The following CALB2 variants were observed in gnomAD, a reference collection of about 807,000 sequenced individuals.
The protein encoded by CALB2 is calbindin 2, also known as calretinin.
In CALB2, 34 loss-of-function variants were observed where a neutral mutation model predicts 45.9. That is an observed-to-expected ratio of 0.74 (90% CI 0.56 to 0.99). CALB2 has a LOEUF of 0.99. Among genes scored for constraint, CALB2 ranks in the 50% least tolerant of loss-of-function variants. The pLI is 0.00. For synonymous variants in CALB2, 142 were observed against 129.6 expected, an observed-to-expected ratio of 1.10 and a Z score of -0.65; for missense variants, 344 against 339.3, an observed-to-expected ratio of 1.01 and a Z score of -0.11.
intron 4 of CALB2, among the ~76,000 whole-genome samples, chr16:71,382,460 C>T (rs375493282): frequency 3.9e-5 from 6 of 152,246 alleles, no homozygotes; most frequent in African/African-American, 1.4e-4. Flanking sequence ...TTACATCCCA[C>T]TTTCGATGGT....
chr16:71,363,506 C>T (rs1477950906), intron 1 of CALB2, among the ~76,000 whole-genome samples: 2 of 152,226 alleles, frequency 1.3e-5, no homozygotes, highest in African/African-American at 2.4e-5. Flanking sequence ...GAAGTCTTCT[C>T]CAAGCCCACA....
intron 8 of CALB2, among the ~76,000 whole-genome samples, 195 bp downstream of exon 8, chr16:71,384,573 CAA>C (rs1312692187): frequency 2.8e-5 from 3 of 109,058 alleles, no homozygotes; most frequent in African/African-American, 9.5e-5. Flanking sequence ...ACCACATACA[CAA>C]CACACGCAGA....
intron 4 of CALB2, among the ~76,000 whole-genome samples, chr16:71,379,315 A>AAAAT (rs1567541017): frequency 6.9e-6 from 1 of 143,920 alleles, no homozygotes; most frequent in Non-Finnish European, 1.5e-5. Flanking sequence ...ATAAATAAAT[A>AAAAT]AAATTAGCAT....
At chr16:71,370,530 A>G (rs117264743) in intron 1 of CALB2, among the ~76,000 whole-genome samples, 5 of 152,160 alleles carry the variant, frequency 3.3e-5, no homozygotes, top group Non-Finnish European at 5.9e-5. Flanking sequence ...AACAAATTGC[A>G]TCAGAAAGTC....
At chr16:71,368,471 G>A (rs2042311799) in intron 1 of CALB2, among the ~76,000 whole-genome samples, 2 of 152,166 alleles carry the variant, frequency 1.3e-5, no homozygotes, top group East Asian at 1.9e-4. Context: ...TCCAGCCACT[G>A]CACTCCAACC....
intron 10 of CALB2, among the ~76,000 whole-genome samples, chr16:71,385,933 T>A (rs2042566132): frequency 6.6e-6 from 1 of 152,202 alleles, no homozygotes; most frequent in African/African-American, 2.4e-5. Context: ...AACATATTCA[T>A]AATATTGCAC....
intron 2 of CALB2, among the ~76,000 whole-genome samples, chr16:71,372,740 A>G (rs1260009847): frequency 6.6e-6 from 1 of 152,208 alleles, no homozygotes; most frequent in Non-Finnish European, 1.5e-5. Context: ...TGCCACTATC[A>G]TCCTCCTTCA....
chr16:71,366,060 T>C (rs1273293764), intron 1 of CALB2, among the ~76,000 whole-genome samples: 1 of 124,594 alleles, frequency 8.0e-6, no homozygotes, highest in African/African-American at 3.0e-5. Flanking sequence ...GGAGTCTCAC[T>C]CTGTCACCCA....
rs2042551448 is a variant in CALB2, at chr16:71,384,797, C to T, written c.588C>T (p.Thr196=). ...GGTTCTTGCAGGGCATGAAGCTGAC[C>T]TCAGAGGAGTTTAACGCGATCTTCA... is the stretch of plus-strand genomic sequence containing the variant. ...FLLKFQGMKL[T]SEEFNAIFTF... is the part of the protein sequence containing the mutation. Residue 196 remains threonine, a synonymous_variant, in exon 9 of 11, where the codon ACC becomes ACT. Coordinates refer to ENST00000302628, the MANE Select transcript of CALB2 (RefSeq NM_001740.5). 6.2e-7 allele frequency: 1 copy of T among 1,612,036 alleles called. No individual in the cohort carries two copies. Among genetic ancestry groups the T allele is most frequent in the South Asian group, 1.1e-5 (1 of 90,978 alleles).
intron 2 of CALB2, among the ~76,000 whole-genome samples, chr16:71,373,301 C>T (rs1340570097): frequency 6.6e-6 from 1 of 152,106 alleles, no homozygotes; most frequent in Non-Finnish European, 1.5e-5. Flanking sequence ...CACCGGTGAG[C>T]TCCTGGTTCA....
rs1290016153 is a variant in CALB2 at position 71,382,770 on chromosome 16, C to G, written c.394C>G (p.Leu132Val). The change falls in exon 5 of 11, where the codon CTC (leucine) becomes GTC (valine). Residue 132 changes from leucine (L) to valine (V), a missense_variant. Coordinates refer to ENST00000302628, the MANE Select transcript of CALB2 (RefSeq NM_001740.5). ...DRSGYIEANE[L>V]KGFLSDLLKK... ...GAGTGGCTACATCGAAGCCAATGAG[C>G]TCAAGGTAGGATGGGCCTTGGGGAG... 1 of 1,611,116 alleles carries G rather than the reference C, an allele frequency of 6.2e-7. No homozygotes were observed. Among genetic ancestry groups the G allele is most frequent in the Non-Finnish European group, 8.5e-7 (1 of 1,178,686 alleles).
chr16:71,382,657 G>A, intron 4 of CALB2, 62 bp from the exon 5 acceptor site: 3 of 1,550,368 alleles, frequency 1.9e-6, no homozygotes, highest in Non-Finnish European at 2.7e-6. Context: ...AAGGGGAATG[G>A]AAGGGAGGTG....
chr16:71,384,457 C>CACACACA, intron 8 of CALB2, 79 bp downstream of exon 8: 1 of 965,122 alleles, frequency 1.0e-6, no homozygotes, highest in Admixed American at 1.8e-5. Flanking sequence ...CCCAACGCAC[C>CACACACA]ACACACAACA....
intron 1 of CALB2, among the ~76,000 whole-genome samples, chr16:71,369,193 C>T (rs891335048): frequency 2.0e-5 from 3 of 152,296 alleles, no homozygotes; most frequent in African/African-American, 4.8e-5. Flanking sequence ...GTTTGAGGCT[C>T]GCTGCAGGCC....
At chr16:71,382,833 G>A in intron 5 of CALB2, 58 bp downstream of exon 5, 1 of 1,460,682 alleles carries the variant, frequency 6.8e-7, no homozygotes, top group Non-Finnish European at 9.3e-7. Context: ...TAAGGTGCCT[G>A]AGGAGGGAGG....
intron 4 of CALB2, among the ~76,000 whole-genome samples, 192 bp downstream of exon 4, chr16:71,377,939 G>C (rs888760687): frequency 6.6e-6 from 1 of 152,178 alleles, no homozygotes; most frequent in African/African-American, 2.4e-5. Flanking sequence ...AAACAGAAAG[G>C]GGCCAGGAGT....
chr16:71,381,582 T>A (rs934572768), intron 4 of CALB2, among the ~76,000 whole-genome samples: 1 of 151,846 alleles, frequency 6.6e-6, no homozygotes, highest in African/African-American at 2.4e-5. Context: ...AGTGGAGAAG[T>A]GGGGGGAGGC....
intron 1 of CALB2, among the ~76,000 whole-genome samples, chr16:71,366,344 TGAGA>T (rs35584668): frequency 5.1e-5 from 2 of 38,856 alleles, no homozygotes; most frequent in Admixed American, 4.7e-4. Flanking sequence ...TTTTTTTTTT[TGAGA>T]GAGAGAGAGT....
intron 6 of CALB2, 151 bp from the exon 7 acceptor site, chr16:71,383,819 T>C: frequency 1.2e-6 from 1 of 854,314 alleles, no homozygotes; most frequent in Non-Finnish European, 2.0e-6. Flanking sequence ...CCGTGACTGA[T>C]TTAGCCCATG....
Sources: allele counts gnomAD v4.1 joint callset (sites outside exome capture counted in the v4.1 genomes callset), GRCh38; gene constraint gnomAD v4.1.1; transcripts MANE v1.5; gene names NCBI Gene and HGNC (gene_info 2026-07-23, HGNC 2026-07-21).